ERBB3: variants seen among roughly 807,000 people sequenced by gnomAD.
ERBB3 encodes receptor tyrosine-protein kinase erbB-3.
ERBB3 carries 96 observed loss-of-function variants against 156.7 expected under a neutral mutation model. That is an observed-to-expected ratio of 0.61 (90% CI 0.52 to 0.73). The LOEUF (loss-of-function observed/expected upper bound fraction) is 0.73, where lower values mean the gene tolerates loss of function less well. ERBB3 is among the 30% of genes least tolerant of loss of function. ERBB3 has a pLI of 0.00. For missense variants in ERBB3, 1,406 were observed against 1,709.4 expected (o/e 0.82, Z 3.13); for synonymous variants, 567 against 632.0 (o/e 0.90, Z 1.54).
At chr12:56,098,955 C>CTTTT (rs372817506) in intron 23 of ERBB3, 50 bp downstream of exon 23, 14 of 1,271,304 alleles carry the variant, frequency 1.1e-5, no homozygotes, top group Non-Finnish European at 1.5e-5. Flanking sequence ...CTTTTTTTTT[C>CTTTT]TTTTTTTTTT....
chr12:56,094,098 G>A lies in ERBB3; in HGVS notation c.1614-1G>A. ...CCCCCTCCCTTTATTCCCCACTACA[G>A]GGAGCCTCGAGAATTTGCCCATGAG... On this transcript the variant is annotated splice_acceptor_variant, in intron 13 of 27. Transcript: ENST00000267101. LOFTEE classifies it high-confidence loss of function. 1 of 1,613,848 alleles carries A rather than the reference G, an allele frequency of 6.2e-7. No homozygotes were observed. The highest frequency in any genetic ancestry group is 8.5e-7 in the Non-Finnish European group (1 of 1,179,762).
intron 23 of ERBB3, among the ~76,000 whole-genome samples, chr12:56,099,440 G>A (rs77322483): frequency 3.3e-5 from 5 of 150,258 alleles, no homozygotes; most frequent in Admixed American, 2.0e-4. Flanking sequence ...GACTTTAGGC[G>A]TGCACCACCA....
At chr12:56,091,330 A>AACAT (rs1565858606) in intron 9 of ERBB3, among the ~76,000 whole-genome samples, 40 of 4,042 alleles carry the variant, frequency 9.9e-3, no homozygotes, top group African/African-American at 0.017. Context: ...TATATATATA[A>AACAT]ATAATATATA....
At chr12:56,098,599 C>CA in intron 22 of ERBB3, 24 bp downstream of exon 22, 1 of 1,601,638 alleles carries the variant, frequency 6.2e-7, no homozygotes, top group Non-Finnish European at 8.6e-7. Context: ...GATGCCCTCT[C>CA]TACCATCACT....
chr12:56,100,111 G>A (rs777827950), intron 25 of ERBB3, 63 bp from the exon 26 acceptor site: 7 of 1,587,504 alleles, frequency 4.4e-6, no homozygotes, highest in African/African-American at 2.7e-5. Flanking sequence ...CTACTCAAAG[G>A]CCCCCATGGT....
At chr12:56,087,514 G>A (rs1277906989) in intron 4 of ERBB3, 63 bp from the exon 5 acceptor site, 12 of 1,370,168 alleles carry the variant, frequency 8.8e-6, no homozygotes, top group Non-Finnish European at 9.4e-6. Context: ...ATCATACCCC[G>A]TTGATTAAAA....
intron 9 of ERBB3, among the ~76,000 whole-genome samples, chr12:56,089,735 CTCTT>C (rs943137445): frequency 2.0e-5 from 3 of 150,996 alleles, no homozygotes; most frequent in Non-Finnish European, 4.4e-5. Flanking sequence ...CAGAGCGAGA[CTCTT>C]TCTCAAAAAA....
rs1868826018 is a variant in ERBB3, at chr12:56,094,419, T to C, written c.1722T>C (p.Ala574=). The C allele has an allele frequency of 2.5e-6, 4 of 1,613,980 alleles. No individual in the cohort carries two copies. Among genetic ancestry groups the C allele is most frequent in the Non-Finnish European group, 3.4e-6 (4 of 1,180,028 alleles). Reference sequence around the variant, plus strand: ...CCACTCAGGGCTCTGATACTTGTGCTCAATGTGCCCATTTTCGAGATGGGC... The same window carrying C: ...CCACTCAGGGCTCTGATACTTGTGCCCAATGTGCCCATTTTCGAGATGGGC... The part of the protein sequence containing the change: ...TCNGSGSDTC[A]QCAHFRDGPH... Residue 574 remains alanine, a synonymous_variant, in exon 15 of 28, where the codon GCT becomes GCC. Transcript: ENST00000267101.
Position 56,101,649 on chromosome 12 carries a change from C to T in ERBB3, c.3623C>T (p.Pro1208Leu), listed in dbSNP as rs1322171934. The change falls in exon 28 of 28, where the codon CCA becomes CTA. Residue 1208 changes from proline to leucine, a missense_variant. Around this residue, in one of 3 missense-constraint regions of ERBB3, gnomAD observed 415 missense variants for 454.1 expected, o/e 0.91. Coordinates refer to ENST00000267101, the MANE Select transcript of ERBB3 (RefSeq NM_001982.4). Reference sequence around the variant, plus strand: ...ATGAACCGGAGGAGAAGGCACAGTCCACCTCATCCCCCTAGGCCAAGTTCC... The same window carrying T: ...ATGAACCGGAGGAGAAGGCACAGTCTACCTCATCCCCCTAGGCCAAGTTCC... ...EYMNRRRRHS[P>L]PHPPRPSSLE... is the part of the protein sequence containing the mutation. 6.2e-7 allele frequency: 1 copy of T among 1,613,746 alleles called. No individual in the cohort carries two copies. The highest frequency in any genetic ancestry group is 8.5e-7 in the Non-Finnish European group (1 of 1,179,990).
Position 56,102,778 on chromosome 12 carries a change from A to C in ERBB3, c.*723A>C, listed in dbSNP as rs1316260795. On this transcript the variant is annotated 3_prime_UTR_variant, in exon 28 of 28. Transcript: ENST00000267101. Reference sequence around the variant, plus strand: ...GAGGCAAGGAGTTTGAGACCAGCTTAGCCAACATAGTAAGACCCCCATCTC... The same window carrying C: ...GAGGCAAGGAGTTTGAGACCAGCTTCGCCAACATAGTAAGACCCCCATCTC... 1 of 175,282 alleles carries C rather than the reference A, an allele frequency of 5.7e-6. No individual in the cohort carries two copies. Among genetic ancestry groups the C allele is most frequent in the Non-Finnish European group, 1.1e-5 (1 of 87,668 alleles). 10.9% of individuals were successfully genotyped at this position (175,282 alleles called of 1,614,324 possible).
intron 20 of ERBB3, 70 bp downstream of exon 20, chr12:56,097,300 A>C: frequency 6.6e-7 from 1 of 1,507,816 alleles, no homozygotes; most frequent in South Asian, 1.1e-5. Context: ...AAAAGTGAGA[A>C]GGTTGAAGTT....
At chr12:56,100,995 A>G in intron 26 of ERBB3, 66 bp from the exon 27 acceptor site, 4 of 1,321,380 alleles carry the variant, frequency 3.0e-6, no homozygotes, top group Non-Finnish European at 4.2e-6. Flanking sequence ...CCTTCTAAAC[A>G]AATCTCTCTT....
intron 16 of ERBB3, 113 bp from the exon 17 acceptor site, chr12:56,095,552 T>A (rs1868862520): frequency 7.8e-7 from 1 of 1,282,548 alleles, no homozygotes; most frequent in Non-Finnish European, 1.1e-6. Flanking sequence ...GATATATATG[T>A]GAATGTTAAT....
chr12:56,093,788 C>T lies in ERBB3; in HGVS notation c.1505C>T (p.Pro502Leu). The change falls in exon 13 of 28, where the codon CCA (proline) becomes CTA (leucine). Residue 502 changes from proline to leucine, a missense_variant. Pro to Leu is a moderately conservative substitution (Grantham distance 98, BLOSUM62 -3). Transcript: ENST00000267101. ...DCVAEGKVCD[P>L]LCSSGGCWGP... ...GTGGCAGAGGGCAAAGTGTGTGACC[C>T]ACTGTGCTCCTCTGGGGGATGCTGG... 1.9e-6 allele frequency: 3 copies of T among 1,614,070 alleles called. No homozygotes were observed. The highest frequency in any genetic ancestry group is 2.5e-6 in the Non-Finnish European group (3 of 1,180,004).
intron 17 of ERBB3, chr12:56,096,240 C>T (rs537875605): frequency 1.8e-6 from 1 of 563,370 alleles, no homozygotes; most frequent in Non-Finnish European, 3.2e-6. Flanking sequence ...CCAACTCTCC[C>T]TAGCTGTCCC....
At chr12:56,095,077 C>T (rs1437648712) in intron 15 of ERBB3, among the ~76,000 whole-genome samples, 180 bp from the exon 16 acceptor site, 1 of 152,146 alleles carries the variant, frequency 6.6e-6, no homozygotes, top group Non-Finnish European at 1.5e-5. Flanking sequence ...GGGAGTTTCA[C>T]AGAAGAGGGG....
At chr12:56,080,766 A>AC (rs1384265857) in intron 1 of ERBB3, among the ~76,000 whole-genome samples, 2 of 151,642 alleles carry the variant, frequency 1.3e-5, no homozygotes, top group African/African-American at 4.8e-5. Flanking sequence ...TTGCTCGCCA[A>AC]CCCCCTGCCC....
Position 56,087,864 on chromosome 12 carries a change from A to G in ERBB3, c.683A>G (p.His228Arg), listed in dbSNP as rs774589520. Residue 228 changes from histidine (H) to arginine (R), a missense_variant, in exon 6 of 28, where the codon CAT becomes CGT. Transcript: ENST00000267101. The part of the protein sequence containing the change: ...CFGPNPNQCC[H>R]DECAGGCSGP... The stretch of plus-strand genomic sequence containing the variant: ...GGGCCCAACCCCAACCAGTGCTGCC[A>G]TGATGAGTGTGCCGGGGGCTGCTCA... The G allele has an allele frequency of 6.2e-7, 1 of 1,614,216 alleles. No homozygotes were observed. Among genetic ancestry groups the G allele is most frequent in the Admixed American group, 1.7e-5 (1 of 60,026 alleles).
chr12:56,096,294 C>G, intron 17 of ERBB3: 1 of 634,682 alleles, frequency 1.6e-6, no homozygotes, highest in Non-Finnish European at 2.7e-6. Context: ...AACCCAACCC[C>G]TTTGATTCCT....
Sources: gnomAD v4.1 joint callset for allele counts (sites outside exome capture counted in the v4.1 genomes callset) on GRCh38, gnomAD v4.1.1 for gene constraint, gnomAD v4.1.1 regional missense constraint, MANE v1.5 for transcripts, NCBI Gene and HGNC (gene_info 2026-07-23, HGNC 2026-07-21) for gene names.